CERKL: variants seen among roughly 807,000 people sequenced by gnomAD.
CERKL encodes CERK like autophagy regulator.
In CERKL, 61 loss-of-function variants were observed where a neutral mutation model predicts 63.4. The ratio of observed to expected loss-of-function variants is 0.96; its 90% CI spans 0.78 to 1.19. The LOEUF (loss-of-function observed/expected upper bound fraction) is 1.19. CERKL is among the 50% of genes most tolerant of loss of function. The pLI is 0.00. For missense variants in CERKL, 675 were observed against 655.5 expected, an observed-to-expected ratio of 1.03 and a Z score of -0.33; for synonymous variants, 250 against 230.5, an observed-to-expected ratio of 1.08 and a Z score of -0.77.
In CERKL at chr2:181,566,083, C is replaced by T. The variant is rs778306988; in HGVS notation, c.652G>A (p.Glu218Lys). Residue 218 changes from glutamate (E) to lysine (K), a missense_variant, in exon 4 of 13, where the codon GAA becomes AAA. By Grantham distance (56) the Glu-to-Lys change is moderately conservative. Transcript: ENST00000410087. ...CCATCAAATCCCTGGAGTTCACATT[C>T]CTTAAGCAGTGACAGAGCGTGCCCT... The part of the protein sequence containing the change: ...YEGHALSLLK[E>K]CELQGFDGVV... 4.3e-6 allele frequency: 7 copies of T among 1,610,314 alleles called. No homozygotes were observed. The highest frequency in any genetic ancestry group is 1.7e-6 in the Non-Finnish European group (2 of 1,177,060).
intron 1 of CERKL, among the ~76,000 whole-genome samples, chr2:181,650,777 G>A (rs13010495): frequency 0.45 from 66,112 of 147,906 alleles, 16,051 homozygotes; most frequent in South Asian, 0.78. Context: ...AAGAAAGAAA[G>A]AAAAAAAAGA....
At chr2:181,542,753 G>A (rs1687566300) in intron 11 of CERKL, among the ~76,000 whole-genome samples, 1 of 152,102 alleles carries the variant, frequency 6.6e-6, no homozygotes, top group African/African-American at 2.4e-5. Flanking sequence ...GCCTCGTAGA[G>A]TACATGAGAA....
chr2:181,581,784 G>A (rs578085213), intron 2 of CERKL, among the ~76,000 whole-genome samples: 59 of 152,318 alleles, frequency 3.9e-4, no homozygotes, highest in African/African-American at 1.4e-3. Context: ...TGATCTGTTT[G>A]CAGGTAGAAC....
At chr2:181,590,601 T>C (rs1477222783) in intron 2 of CERKL, among the ~76,000 whole-genome samples, 1 of 152,028 alleles carries the variant, frequency 6.6e-6, no homozygotes, top group African/African-American at 2.4e-5. Context: ...AAACCAAAAG[T>C]ATTATGGAAT....
intron 1 of CERKL, among the ~76,000 whole-genome samples, chr2:181,620,177 T>C (rs1686385823): frequency 6.6e-6 from 1 of 152,174 alleles, no homozygotes; most frequent in Non-Finnish European, 1.5e-5. Flanking sequence ...TGGTTTCTAT[T>C]GCCAGGGTGT....
chr2:181,543,647 C>T (rs879123844), intron 11 of CERKL, among the ~76,000 whole-genome samples: 3 of 152,130 alleles, frequency 2.0e-5, no homozygotes, highest in East Asian at 3.9e-4. Context: ...CTCCTCCTCC[C>T]GTCTGTTATC....
chr2:181,563,429 T>A (rs989130517), intron 4 of CERKL, among the ~76,000 whole-genome samples: 1 of 152,200 alleles, frequency 6.6e-6, no homozygotes, highest in Non-Finnish European at 1.5e-5. Flanking sequence ...ATACATAGAA[T>A]CTTTCTTGGC....
intron 1 of CERKL, among the ~76,000 whole-genome samples, chr2:181,644,190 G>T (rs1437666453): frequency 6.6e-6 from 1 of 152,204 alleles, no homozygotes; most frequent in East Asian, 1.9e-4. Flanking sequence ...CCCAGTCCCT[G>T]GCACCATACT....
At chr2:181,572,088 G>T (rs1031221000) in intron 3 of CERKL, among the ~76,000 whole-genome samples, 5 of 152,010 alleles carry the variant, frequency 3.3e-5, no homozygotes, top group African/African-American at 1.2e-4. Context: ...AACACACATG[G>T]ACTCTCTCAC....
At chr2:181,612,578 T>C (rs1686011836) in intron 1 of CERKL, among the ~76,000 whole-genome samples, 1 of 152,118 alleles carries the variant, frequency 6.6e-6, no homozygotes. Flanking sequence ...TTCTCATACT[T>C]AATTGGATTA....
rs372174156 is a variant in CERKL at position 181,655,994 on chromosome 2, C to G, written c.238+775G>C. ...GGTCTTTATAAAATATCTGTTAAGTCTATAAGGCTATTTGACTAAGACGTG... is the reference window on the plus strand; with the variant it reads ...GGTCTTTATAAAATATCTGTTAAGTGTATAAGGCTATTTGACTAAGACGTG... On this transcript the variant is annotated intron_variant, in intron 1 of 12. Coordinates refer to ENST00000410087, the MANE Select transcript of CERKL (RefSeq NM_201548.5). Among the ~76,000 whole-genome samples, 4 of 152,124 alleles carry G rather than the reference C, an allele frequency of 2.6e-5. No homozygotes were observed. The East Asian group carries it at 5.8e-4, about 22-fold the overall frequency.
intron 9 of CERKL, 35 bp downstream of exon 9, chr2:181,547,787 T>C: frequency 6.2e-7 from 1 of 1,613,822 alleles, no homozygotes. Context: ...CAACAGAACC[T>C]GGCACAGTTC....
intron 2 of CERKL, among the ~76,000 whole-genome samples, chr2:181,600,965 C>T (rs570282049): frequency 6.6e-6 from 1 of 152,072 alleles, no homozygotes; most frequent in East Asian, 1.9e-4. Flanking sequence ...TAAGTCACAT[C>T]TCAATAAGAT....
intron 2 of CERKL, among the ~76,000 whole-genome samples, chr2:181,595,363 G>A (rs562232833): frequency 2.1e-5 from 3 of 142,758 alleles, no homozygotes; most frequent in Non-Finnish European, 3.0e-5. Context: ...CTGACCCTAC[G>A]GGTTGCCCTG....
intron 11 of CERKL, 147 bp from the exon 12 acceptor site, chr2:181,539,411 A>G (rs1687386545): frequency 3.3e-6 from 2 of 606,350 alleles, no homozygotes; most frequent in African/African-American, 3.7e-5. Flanking sequence ...GGGATCTCCA[A>G]CTTTTTTTGG....
intron 4 of CERKL, among the ~76,000 whole-genome samples, chr2:181,559,129 C>G (rs1688328693): frequency 6.6e-6 from 1 of 152,100 alleles, no homozygotes; most frequent in South Asian, 2.1e-4. Context: ...TCTGAAAAGA[C>G]AGATAGCAAT....
At chr2:181,656,342 G>C (rs1389603102) in intron 1 of CERKL, among the ~76,000 whole-genome samples, 1 of 152,232 alleles carries the variant, frequency 6.6e-6, no homozygotes, top group Non-Finnish European at 1.5e-5. Context: ...TAATCTGTGA[G>C]ATGTTTATAG....
intron 1 of CERKL, among the ~76,000 whole-genome samples, chr2:181,607,764 T>C (rs1049256461): frequency 5.3e-5 from 8 of 152,196 alleles, no homozygotes; most frequent in African/African-American, 1.4e-4. Flanking sequence ...CCAAAGGTCC[T>C]GAAAAATCCT....
At chr2:181,593,867 TAAAAAAAAAAAA>T (rs780308862) in intron 2 of CERKL, among the ~76,000 whole-genome samples, 3 of 118,154 alleles carry the variant, frequency 2.5e-5, no homozygotes, top group African/African-American at 8.3e-5. Context: ...AAAACACTAC[TAAAAAAAAAAAA>T]AAAAAGAATG....
Sources: gnomAD v4.1 joint callset for allele counts (sites outside exome capture counted in the v4.1 genomes callset) on GRCh38, gnomAD v4.1.1 for gene constraint, MANE v1.5 for transcripts, NCBI Gene and HGNC (gene_info 2026-07-23, HGNC 2026-07-21) for gene names.